The following GPR161 variants were observed in gnomAD, a reference collection of about 807,000 sequenced individuals.
GPR161 encodes G protein-coupled receptor 161.
In GPR161, 25 loss-of-function variants were observed where a neutral mutation model predicts 39.2. The observed-to-expected ratio is 0.64, with a 90% CI of 0.47 to 0.89. The LOEUF (loss-of-function observed/expected upper bound fraction) is 0.89. Ranked by LOEUF, GPR161 falls within the 40% of genes least tolerant of loss-of-function variation. The pLI is 0.00. For synonymous variants in GPR161, 286 were observed against 276.6 expected (o/e 1.03, Z -0.34); for missense variants, 547 against 677.8 (o/e 0.81, Z 2.14).
rs111490882 is a variant in GPR161, at chr1:168,084,767, A to AT, written c.*763dup. 0.027 allele frequency: 11,709 copies of AT among 431,500 alleles called. 988 individuals are homozygous for AT. Among genetic ancestry groups the AT allele is most frequent in the African/African-American group, 0.21 (10,219 of 48,810 alleles). 26.7% of individuals were successfully genotyped at this position (431,500 alleles called of 1,614,324 possible). A position where few individuals can be genotyped will look rare whatever the true frequency, so the allele number is the denominator to read the frequency against. On this transcript the variant is annotated 3_prime_UTR_variant, in exon 6 of 6. Transcript: ENST00000682931. The stretch of plus-strand genomic sequence containing the variant: ...TAAAACAGTGGTACGTCTTAAATGG[A>AT]TTTTTTTTTTAATTCTGGAAATGAA...
chr1:168,096,518 G>A lies in GPR161; in HGVS notation c.1089C>T (p.Asn363=), dbSNP rs1448201962. The change falls in exon 3 of 6, where the codon AAC becomes AAT. Residue 363 remains asparagine (N), a synonymous_variant. Transcript: ENST00000682931. ...QRTSRLFSIS[N]RITDLGLSPH... Reference sequence around the variant, plus strand: ...CAATGCCCAAGTTACCTGTGATCCTGTTGGAAATGCTGAAGAGCCTGGAAG... The same window carrying A: ...CAATGCCCAAGTTACCTGTGATCCTATTGGAAATGCTGAAGAGCCTGGAAG... 1.9e-6 allele frequency: 3 copies of A among 1,613,438 alleles called. No homozygotes were observed. In the Admixed American group the frequency reaches 5.0e-5, roughly 27 times the overall value.
At chr1:168,130,794 C>T (rs1451431676) in intron 1 of GPR161, among the ~76,000 whole-genome samples, 1 of 152,124 alleles carries the variant, frequency 6.6e-6, no homozygotes, top group African/African-American at 2.4e-5. Context: ...AGAACATGTA[C>T]AAAATGGAAT....
intron 1 of GPR161, chr1:168,136,144 G>C: frequency 2.4e-6 from 3 of 1,262,466 alleles, no homozygotes; most frequent in Non-Finnish European, 3.0e-6. Context: ...GCAGATCTGA[G>C]GGGCAGAGCC....
intron 1 of GPR161, chr1:168,133,878 A>G (rs1434968241): frequency 3.2e-6 from 3 of 945,788 alleles, no homozygotes; most frequent in Non-Finnish European, 3.8e-6. Flanking sequence ...ATATTCACCT[A>G]TGTTTCCAGG....
At position 168,130,137 on chromosome 1, in the gene GPR161, T is replaced by G. The variant is rs116377713; in HGVS notation, c.-45+6602A>C. Among the ~76,000 whole-genome samples, 319 of 152,344 alleles carry G rather than the reference T, an allele frequency of 2.1e-3. 2 individuals carry two copies. The highest frequency in any genetic ancestry group is 7.4e-3 in the African/African-American group (309 of 41,574). On this transcript the variant is annotated intron_variant, in intron 1 of 5. Transcript: ENST00000682931. ...AGCGCTGCAGTTTTCCAAGATGCCC[T>G]CTGGGGCACTATTTCTTCCTTTCTC...
upstream of GPR161, chr1:168,136,946 G>GCGCCCCGCCC: frequency 2.1e-6 from 2 of 947,978 alleles, no homozygotes; most frequent in Non-Finnish European, 2.5e-6. Context: ...TGCGGCGCCC[G>GCGCCCCGCCC]CGCCCCGCCC....
At chr1:168,093,941 AC>A (rs899349095) in intron 3 of GPR161, among the ~76,000 whole-genome samples, 4 of 64,718 alleles carry the variant, frequency 6.2e-5, no homozygotes, top group Non-Finnish European at 1.3e-4. Flanking sequence ...ACCATCCCCC[AC>A]CCCCACCCCA....
chr1:168,102,433 G>T (rs144694983), intron 2 of GPR161, among the ~76,000 whole-genome samples: 61 of 152,306 alleles, frequency 4.0e-4, no homozygotes, highest in Admixed American at 2.4e-3. Flanking sequence ...CTGGTGGGCA[G>T]GGTCTGTGTC....
chr1:168,128,168 CT>C (rs1480969800), intron 1 of GPR161, among the ~76,000 whole-genome samples: 1 of 152,094 alleles, frequency 6.6e-6, no homozygotes, highest in East Asian at 1.9e-4. Flanking sequence ...CATATATTTT[CT>C]TTTTAAGCAG....
chr1:168,107,032 T>G (rs1345206954), intron 1 of GPR161, among the ~76,000 whole-genome samples: 1 of 151,922 alleles, frequency 6.6e-6, no homozygotes, highest in Non-Finnish European at 1.5e-5. Flanking sequence ...ATTAAGAAAA[T>G]AGACTTTGCA....
chr1:168,132,875 G>C (rs1013654535), intron 1 of GPR161, among the ~76,000 whole-genome samples: 26 of 152,006 alleles, frequency 1.7e-4, no homozygotes, highest in African/African-American at 6.3e-4. Context: ...CTTCCAAGTA[G>C]CTGGGATTAC....
chr1:168,133,888 G>C, intron 1 of GPR161: 1 of 962,154 alleles, frequency 1.0e-6, no homozygotes, highest in Non-Finnish European at 1.2e-6. Context: ...ATGTTTCCAG[G>C]CTTGGTGACC....
rs1237829181 is a variant in GPR161 at position 168,082,432 on chromosome 1, C to T, written c.*3099G>A. On this transcript the variant is annotated 3_prime_UTR_variant, in exon 6 of 6. Transcript: ENST00000682931. Reference sequence around the variant, plus strand: ...TGGCTCTGCACAGCCACACCGCTGCCACCTAGTGTCTAAGGGCCTGAACTT... The same window carrying T: ...TGGCTCTGCACAGCCACACCGCTGCTACCTAGTGTCTAAGGGCCTGAACTT... 6.6e-6 allele frequency: 1 copy of T among 152,290 alleles called. No individual in the cohort carries two copies. The highest frequency in any genetic ancestry group is 2.4e-5 in the African/African-American group (1 of 41,468). 9.4% of individuals were successfully genotyped at this position (152,290 alleles called of 1,614,324 possible).
rs1694225023 is a variant in GPR161, at chr1:168,083,596, C to T, written c.*1935G>A. ...ATATACAGGGAATATATATAGAAAA[C>T]GTGAACCACACGCAGACGTAGGAAT... On this transcript the variant is annotated 3_prime_UTR_variant, in exon 6 of 6. Transcript: ENST00000682931. The T allele has an allele frequency of 2.0e-5, 3 of 152,328 alleles. No homozygotes were observed. Among genetic ancestry groups the T allele is most frequent in the South Asian group, 4.1e-4 (2 of 4,828 alleles). The allele number at this position is 152,328 out of a possible 1,614,324, so 9.4% of individuals were successfully genotyped here. A position where few individuals can be genotyped will look rare whatever the true frequency, so the allele number is the denominator to read the frequency against.
At chr1:168,127,339 G>A (rs1396832321) in intron 1 of GPR161, among the ~76,000 whole-genome samples, 1 of 151,964 alleles carries the variant, frequency 6.6e-6, no homozygotes, top group Non-Finnish European at 1.5e-5. Flanking sequence ...ACAAAAATTA[G>A]CCAGGCATGA....
intron 3 of GPR161, among the ~76,000 whole-genome samples, chr1:168,093,279 A>C (rs1331739999): frequency 6.6e-6 from 1 of 152,190 alleles, no homozygotes; most frequent in Non-Finnish European, 1.5e-5. Context: ...CCTTACAAGC[A>C]GAAGGTATTT....
At chr1:168,135,022 GCA>G in intron 1 of GPR161, 1 of 1,530,304 alleles carries the variant, frequency 6.5e-7, no homozygotes, top group Middle Eastern at 1.7e-4. Context: ...CTCAGAGGAC[GCA>G]CAGTGCACCA....
intron 3 of GPR161, among the ~76,000 whole-genome samples, chr1:168,095,720 C>T (rs1695458954): frequency 6.6e-6 from 1 of 152,134 alleles, no homozygotes; most frequent in South Asian, 2.1e-4. Context: ...AGGAGGAAGA[C>T]AGCAGCTGAG....
At chr1:168,123,335 G>C (rs982230288) in intron 1 of GPR161, among the ~76,000 whole-genome samples, 5 of 152,108 alleles carry the variant, frequency 3.3e-5, no homozygotes, top group African/African-American at 1.2e-4. Context: ...ATGCACACCT[G>C]TAGTCCCAGT....
Sources: allele counts gnomAD v4.1 joint callset (sites outside exome capture counted in the v4.1 genomes callset), GRCh38; gene constraint gnomAD v4.1.1; transcripts MANE v1.5; gene names NCBI Gene and HGNC (gene_info 2026-07-23, HGNC 2026-07-21).